Variants in CHEK1 observed in about 807,000 individuals in gnomAD.
The protein encoded by CHEK1 is checkpoint kinase 1.
In CHEK1, 32 loss-of-function variants were observed where a neutral mutation model predicts 60.2. That is an observed-to-expected ratio of 0.53 (90% CI 0.40 to 0.71). The LOEUF (loss-of-function observed/expected upper bound fraction) is 0.71, where lower values mean the gene tolerates loss of function less well. Ranked by LOEUF, CHEK1 falls within the 30% of genes least tolerant of loss-of-function variation. CHEK1 has a pLI of 0.00. For missense variants in CHEK1, 399 were observed against 564.6 expected, an observed-to-expected ratio of 0.71 and a Z score of 2.97; for synonymous variants, 179 against 187.2, an observed-to-expected ratio of 0.96 and a Z score of 0.36.
chr11:125,633,331 T>TTA lies in CHEK1; in HGVS notation c.594_595dup (p.Thr199IlefsTer42). 1 of 1,568,010 alleles carries TTA rather than the reference T, an allele frequency of 6.4e-7. No homozygotes were observed. The highest frequency in any genetic ancestry group is 8.6e-7 in the Non-Finnish European group (1 of 1,164,032). On this transcript the variant is annotated frameshift_variant, in exon 6 of 13. Coordinates refer to ENST00000438015, the MANE Select transcript of CHEK1 (RefSeq NM_001114122.3). LOFTEE classifies it high-confidence loss of function. ...GATGTTTGGTCCTGTGGAATAGTAC[T>TTA]TACTGCAATGCTCGCTGGAGGTAAG...
intron 13 of CHEK1, among the ~76,000 whole-genome samples, chr11:125,669,181 A>G (rs919197117): frequency 6.6e-6 from 1 of 151,960 alleles, no homozygotes; most frequent in Non-Finnish European, 1.5e-5. Context: ...TCCACGTGGT[A>G]TTGTTTCTCT....
At chr11:125,663,598 C>G (rs1030305052) in intron 13 of CHEK1, among the ~76,000 whole-genome samples, 1 of 152,034 alleles carries the variant, frequency 6.6e-6, no homozygotes, top group African/African-American at 2.4e-5. Context: ...CAAATATTTT[C>G]TTCCTTTCCA....
At chr11:125,660,837 G>A (rs940107967), downstream of CHEK1, among the ~76,000 whole-genome samples, 37 of 151,614 alleles carry the variant, frequency 2.4e-4, no homozygotes, top group South Asian at 2.1e-4. Flanking sequence ...GTGAAATGGC[G>A]CGATCTTGGC....
Position 125,625,489 on chromosome 11 carries a change from T to TACCG in CHEK1, c.-543_-540dup, listed in dbSNP as rs1940544609. On this transcript the variant is annotated 5_prime_UTR_variant, in exon 1 of 13. The change abolishes the stop of an existing upstream ORF in the 5' untranslated region. Coordinates refer to ENST00000438015, the MANE Select transcript of CHEK1 (RefSeq NM_001114122.3). Reference sequence around the variant, plus strand: ...GGTTTCTCGGCTCCAGCACCACGAGTACCGCACTCTGAGGTTTACAAAGCA... The same window carrying TACCG: ...GGTTTCTCGGCTCCAGCACCACGAGTACCGACCGCACTCTGAGGTTTACAAAGCA... 7.4e-6 allele frequency: 3 copies of TACCG among 405,206 alleles called. No homozygotes were observed. The South Asian group carries it at 1.9e-4, about 25-fold the overall frequency. The allele number at this position is 405,206 out of a possible 1,614,324, so 25.1% of individuals were successfully genotyped here.
intron 5 of CHEK1, among the ~76,000 whole-genome samples, chr11:125,632,019 TATAAA>T (rs1940885530): frequency 6.6e-6 from 1 of 152,190 alleles, no homozygotes; most frequent in Non-Finnish European, 1.5e-5. Flanking sequence ...GTTTCTAACT[TATAAA>T]ATAGGACAGT....
Position 125,673,178 on chromosome 11 carries a change from A to G in CHEK1, c.*28-2750A>G, listed in dbSNP as rs528883914. ...ACTTTTTTAACCTCTTTGCTTGCAC[A>G]TCATACTGTGGACTACACCCTTTCT... On this transcript the variant is annotated intron_variant, in intron 13 of 13. Transcript: ENST00000428830. 4.0e-5 allele frequency among the ~76,000 whole-genome samples: 6 copies of G among 149,036 alleles called. No homozygotes were observed. In the East Asian group the frequency reaches 1.2e-3, roughly 30 times the overall value.
chr11:125,657,909 A>AT (rs11440380), downstream of CHEK1, among the ~76,000 whole-genome samples: 49,087 of 151,990 alleles, frequency 0.32, 8,159 homozygotes, highest in East Asian at 0.42. Context: ...GATTGTACAG[A>AT]TTAGTGTTTC....
downstream of CHEK1, among the ~76,000 whole-genome samples, chr11:125,660,322 A>G (rs61919035): frequency 0.055 from 8,364 of 152,310 alleles, 313 homozygotes; most frequent in Non-Finnish European, 0.084. Context: ...CTGCTTATAC[A>G]GTGAATTACT....
chr11:125,636,715 T>G (rs1193429856), intron 7 of CHEK1, among the ~76,000 whole-genome samples: 1 of 151,150 alleles, frequency 6.6e-6, no homozygotes, highest in Non-Finnish European at 1.5e-5. Flanking sequence ...CTTACCACTT[T>G]GAAGCTTTTT....
At chr11:125,646,268 A>G (rs1941502329) in intron 11 of CHEK1, among the ~76,000 whole-genome samples, 1 of 152,158 alleles carries the variant, frequency 6.6e-6, no homozygotes, top group African/African-American at 2.4e-5. Context: ...GCTTTCATTT[A>G]GCACGTTTTC....
At chr11:125,654,199 G>C (rs979821544) in intron 12 of CHEK1, among the ~76,000 whole-genome samples, 1 of 151,692 alleles carries the variant, frequency 6.6e-6, no homozygotes, top group Non-Finnish European at 1.5e-5. Context: ...GCGTGGTGGC[G>C]GGTGCCTGTA....
At chr11:125,672,572 A>G in intron 13 of CHEK1, 1 of 1,612,654 alleles carries the variant, frequency 6.2e-7, no homozygotes, top group Non-Finnish European at 8.5e-7. Flanking sequence ...CCTGAGTCAA[A>G]ACAAGCAAGG....
At chr11:125,644,750 T>C in intron 11 of CHEK1, 107 bp downstream of exon 11, 1 of 1,269,024 alleles carries the variant, frequency 7.9e-7, no homozygotes, top group Non-Finnish European at 1.1e-6. Context: ...GGCTCACACC[T>C]GTAATCCCAG....
At position 125,656,006 on chromosome 11, in the gene CHEK1, T is replaced by C. The variant is rs1311246212; in HGVS notation, c.*686T>C. Reference sequence around the variant, plus strand: ...GTTGAACATCTTAAATATTTTTCTATATTTTCTACTTTCATAGCCATATTT... The same window carrying C: ...GTTGAACATCTTAAATATTTTTCTACATTTTCTACTTTCATAGCCATATTT... On this transcript the variant is annotated 3_prime_UTR_variant, in exon 13 of 13. Coordinates refer to ENST00000438015, the MANE Select transcript of CHEK1 (RefSeq NM_001114122.3). 4.8e-6 allele frequency: 1 copy of C among 209,134 alleles called. No homozygotes were observed. The highest frequency in any genetic ancestry group is 9.7e-6 in the Non-Finnish European group (1 of 103,082). The allele number at this position is 209,134 out of a possible 1,614,324, so 13.0% of individuals were successfully genotyped here.
At chr11:125,659,375 A>G (rs868032675), downstream of CHEK1, among the ~76,000 whole-genome samples, 4 of 151,860 alleles carry the variant, frequency 2.6e-5, no homozygotes, top group Middle Eastern at 3.2e-3. Flanking sequence ...TTGCTATGAT[A>G]GTTTCAGATC....
chr11:125,651,661 T>G (rs1941740054), intron 11 of CHEK1, among the ~76,000 whole-genome samples: 1 of 152,178 alleles, frequency 6.6e-6, no homozygotes, highest in Non-Finnish European at 1.5e-5. Context: ...AGGTTTATTC[T>G]GCTCCCACCT....
At chr11:125,643,057 C>T (rs1941363504) in intron 8 of CHEK1, 1 of 152,096 alleles carries the variant, frequency 6.6e-6, no homozygotes, top group African/African-American at 2.4e-5. Flanking sequence ...AGAATGTTGG[C>T]TATAGCAGAT....
intron 13 of CHEK1, among the ~76,000 whole-genome samples, chr11:125,675,164 G>C (rs1942431443): frequency 6.6e-6 from 1 of 152,160 alleles, no homozygotes; most frequent in Non-Finnish European, 1.5e-5. Context: ...AGTTGCTCAG[G>C]TGATTGTAAT....
chr11:125,638,220 A>T (rs1442607130), intron 8 of CHEK1, among the ~76,000 whole-genome samples: 1 of 152,188 alleles, frequency 6.6e-6, no homozygotes, highest in East Asian at 1.9e-4. Flanking sequence ...CGGTTTAAAA[A>T]TATTTCTCTG....
Sources: gnomAD v4.1 joint callset for allele counts (sites outside exome capture counted in the v4.1 genomes callset) on GRCh38, gnomAD v4.1.1 for gene constraint, MANE v1.5 for transcripts, NCBI Gene and HGNC (gene_info 2026-07-23, HGNC 2026-07-21) for gene names.